The following PLCG2 variants were observed in gnomAD, a reference collection of about 807,000 sequenced individuals.
PLCG2 encodes the protein 1-phosphatidylinositol 4,5-bisphosphate phosphodiesterase gamma-2.
Under a neutral mutation model 175.6 loss-of-function variants are expected in PLCG2, and 69 were observed. That is an observed-to-expected ratio of 0.39 (90% CI 0.32 to 0.48). The LOEUF (loss-of-function observed/expected upper bound fraction) is 0.48. Ranked by LOEUF, PLCG2 falls within the 20% of genes least tolerant of loss-of-function variation. PLCG2 has a pLI of 0.91. For missense variants in PLCG2, 1,798 were observed against 1,650.9 expected (o/e 1.09, Z -1.54); for synonymous variants, 827 against 624.0 (o/e 1.33, Z -4.85).
intron 21 of PLCG2, 168 bp from the exon 22 acceptor site, chr16:81,923,317 G>C: frequency 1.8e-6 from 1 of 565,508 alleles, no homozygotes; most frequent in Non-Finnish European, 3.2e-6. Flanking sequence ...GCTTTTTGGG[G>C]CCTTCGATCC....
At chr16:81,905,337 C>T in intron 14 of PLCG2, 66 bp from the exon 15 acceptor site, 2 of 1,072,590 alleles carry the variant, frequency 1.9e-6, no homozygotes, top group East Asian at 4.9e-5. Flanking sequence ...CAGATGAAGG[C>T]TGCTGGCTCA....
chr16:81,889,121 A>G (rs921653370), intron 9 of PLCG2, 51 bp from the exon 10 acceptor site: 6 of 1,116,832 alleles, frequency 5.4e-6, no homozygotes, highest in Non-Finnish European at 6.7e-6. Context: ...GAAATGAAGA[A>G]TTTTATCAGT....
intron 24 of PLCG2, 89 bp downstream of exon 24, chr16:81,928,713 C>T: frequency 1.2e-6 from 1 of 859,548 alleles, no homozygotes; most frequent in Non-Finnish European, 2.0e-6. Flanking sequence ...AGGTGGCTGA[C>T]ACAGGGTCCT....
intron 31 of PLCG2, among the ~76,000 whole-genome samples, chr16:81,954,774 G>C (rs957065158): frequency 6.6e-6 from 1 of 152,134 alleles, no homozygotes; most frequent in African/African-American, 2.4e-5. Context: ...TGTCTTTGCT[G>C]TTGTACATGG....
At chr16:81,760,057 C>T (rs906209120) in intron 2 of PLCG2, among the ~76,000 whole-genome samples, 1 of 152,286 alleles carries the variant, frequency 6.6e-6, no homozygotes, top group African/African-American at 2.4e-5. Flanking sequence ...ACCTGGAAGG[C>T]GGAGCTTGCA....
At chr16:81,860,174 T>A (rs941133431) in intron 5 of PLCG2, among the ~76,000 whole-genome samples, 7 of 96,616 alleles carry the variant, frequency 7.2e-5, no homozygotes, top group African/African-American at 1.9e-4. Flanking sequence ...TTATTATTAT[T>A]TTTTTTTTTT....
intron 12 of PLCG2, among the ~76,000 whole-genome samples, chr16:81,895,449 A>C (rs958246948): frequency 1.3e-5 from 2 of 152,046 alleles, no homozygotes; most frequent in African/African-American, 4.8e-5. Context: ...AGTCCCAGTT[A>C]CTCAGGAGGC....
At chr16:81,949,794 C>G (rs566323910) in intron 31 of PLCG2, among the ~76,000 whole-genome samples, 1 of 152,090 alleles carries the variant, frequency 6.6e-6, no homozygotes, top group South Asian at 2.1e-4. Context: ...AAATGACAAT[C>G]AAAAGCTAAA....
At chr16:81,846,527 G>A (rs1173520905) in intron 2 of PLCG2, among the ~76,000 whole-genome samples, 1 of 152,200 alleles carries the variant, frequency 6.6e-6, no homozygotes, top group African/African-American at 2.4e-5. Flanking sequence ...TTGCTATATA[G>A]CATTTATTTT....
intron 5 of PLCG2, among the ~76,000 whole-genome samples, chr16:81,861,949 C>G (rs930374406): frequency 3.9e-5 from 6 of 152,238 alleles, no homozygotes; most frequent in Non-Finnish European, 8.8e-5. Flanking sequence ...GAGTTCATCC[C>G]TGTGTGCTCA....
chr16:81,783,767 T>G (rs1418010909), intron 1 of PLCG2, among the ~76,000 whole-genome samples: 3 of 152,218 alleles, frequency 2.0e-5, no homozygotes, highest in African/African-American at 7.2e-5. Context: ...TTGTCCTGGC[T>G]AATGATCAGG....
intron 21 of PLCG2, 83 bp downstream of exon 21, chr16:81,921,352 AC>A: frequency 1.1e-6 from 1 of 940,442 alleles, no homozygotes; most frequent in Non-Finnish European, 1.8e-6. Flanking sequence ...GGCAGTTATA[AC>A]AGGGCAAGGG....
At chr16:81,775,353 A>G (rs1247267017), upstream of PLCG2, among the ~76,000 whole-genome samples, 1 of 152,168 alleles carries the variant, frequency 6.6e-6, no homozygotes, top group Non-Finnish European at 1.5e-5. Flanking sequence ...AAGTCCAAAG[A>G]GGGTGGCTGA....
At chr16:81,919,354 C>A in intron 19 of PLCG2, 130 bp from the exon 20 acceptor site, 1 of 672,030 alleles carries the variant, frequency 1.5e-6, no homozygotes, top group Non-Finnish European at 2.7e-6. Flanking sequence ...CATAGGAGGA[C>A]TATACCCTGT....
In PLCG2 at chr16:81,933,456, C is replaced by G. The variant is rs76930182; in HGVS notation, c.2740-973C>G. Among the ~76,000 whole-genome samples the G allele has an allele frequency of 1.1e-4, 16 of 152,276 alleles. No homozygotes were observed. The East Asian group carries it at 3.1e-3, about 29-fold the overall frequency. ...CCTCATTGATGGCAGAGGGCAGTCA[C>G]AAAATCCTTCTAGTTAGTGGGTTTC... is the stretch of plus-strand genomic sequence containing the variant. On this transcript the variant is annotated intron_variant, in intron 25 of 32. Transcript: ENST00000564138.
chr16:81,770,953 G>C (rs943927991), intron 2 of PLCG2, among the ~76,000 whole-genome samples: 10 of 151,860 alleles, frequency 6.6e-5, no homozygotes, highest in African/African-American at 2.4e-4. Context: ...AGCTACTCGG[G>C]AGGCTGAGGC....
chr16:81,890,282 G>C (rs1204323857), intron 10 of PLCG2, among the ~76,000 whole-genome samples: 1 of 152,110 alleles, frequency 6.6e-6, no homozygotes, highest in Non-Finnish European at 1.5e-5. Context: ...TCTTACCTTA[G>C]CTTTACAAAG....
At chr16:81,845,390 C>G (rs1227468788) in intron 2 of PLCG2, among the ~76,000 whole-genome samples, 1 of 152,198 alleles carries the variant, frequency 6.6e-6, no homozygotes, top group Non-Finnish European at 1.5e-5. Flanking sequence ...CAGTCGCACA[C>G]TCATTTAATC....
At chr16:81,757,700 G>A (rs943488852) in intron 2 of PLCG2, among the ~76,000 whole-genome samples, 47 of 152,282 alleles carry the variant, frequency 3.1e-4, no homozygotes, top group African/African-American at 1.1e-3. Flanking sequence ...CATTTAAAGT[G>A]TGATTCGATG....
Sources: gnomAD v4.1 joint callset for allele counts (sites outside exome capture counted in the v4.1 genomes callset) on GRCh38, gnomAD v4.1.1 for gene constraint, MANE v1.5 for transcripts, NCBI Gene and HGNC (gene_info 2026-07-23, HGNC 2026-07-21) for gene names.